The following RBFOX1 variants were observed in gnomAD, a reference collection of about 807,000 sequenced individuals.
The protein encoded by RBFOX1 is RNA binding protein fox-1 homolog 1.
A neutral mutation model predicts 57.7 loss-of-function variants in RBFOX1; 8 were observed. The observed-to-expected ratio is 0.14, with a 90% CI of 0.08 to 0.25. The LOEUF (loss-of-function observed/expected upper bound fraction) is 0.25. RBFOX1 is among the 10% of genes least tolerant of loss of function. RBFOX1 has a pLI of 1.00. For missense variants in RBFOX1, 611 were observed against 548.5 expected (o/e 1.11, Z -1.14); for synonymous variants, 326 against 222.4 (o/e 1.47, Z -4.15).
rs551732978 is a variant in RBFOX1, at chr16:5,963,172, C to T, written c.351+95837C>T. ...GATCTAAGTGCATTTTAGATGCCCA[C>T]ATCCGTCTTTATAGGTTAGGTAATG... On this transcript the variant is annotated intron_variant, in intron 4 of 19. Transcript: ENST00000641259. Among the ~76,000 whole-genome samples, 25 of 152,328 alleles carry T rather than the reference C, an allele frequency of 1.6e-4. No individual in the cohort carries two copies. In the South Asian group the frequency reaches 4.1e-3, roughly 25 times the overall value.
At chr16:6,128,751 A>C (rs959810331) in intron 1 of RBFOX1, among the ~76,000 whole-genome samples, 11 of 152,222 alleles carry the variant, frequency 7.2e-5, no homozygotes, top group African/African-American at 2.7e-4. Context: ...ATCAGAGATC[A>C]GTTGATGCAG....
chr16:7,417,944 C>T (rs572999380), intron 4 of RBFOX1, among the ~76,000 whole-genome samples: 4 of 152,086 alleles, frequency 2.6e-5, no homozygotes, highest in Admixed American at 2.6e-4. Context: ...CCTGTTGGCC[C>T]TAGTATGCAG....
intron 4 of RBFOX1, among the ~76,000 whole-genome samples, chr16:5,899,719 T>C (rs1051995604): frequency 6.6e-6 from 1 of 152,098 alleles, no homozygotes; most frequent in Non-Finnish European, 1.5e-5. Context: ...CATGGAAGAT[T>C]CCAACCCGCC....
At chr16:5,362,660 C>A (rs1192515313) in intron 1 of RBFOX1, among the ~76,000 whole-genome samples, 1 of 152,162 alleles carries the variant, frequency 6.6e-6, no homozygotes, top group Non-Finnish European at 1.5e-5. Context: ...CCGCGCCAGG[C>A]CACATCACTG....
chr16:7,143,999 G>C (rs1314255536), intron 4 of RBFOX1, among the ~76,000 whole-genome samples: 2 of 152,076 alleles, frequency 1.3e-5, no homozygotes, highest in Non-Finnish European at 2.9e-5. Flanking sequence ...GTTGTCTTTG[G>C]AACATTCATA....
intron 3 of RBFOX1, among the ~76,000 whole-genome samples, chr16:5,609,921 TTACCC>T (rs2047715066): frequency 6.6e-6 from 1 of 152,190 alleles, no homozygotes; most frequent in African/African-American, 2.4e-5. Flanking sequence ...ATTTGTACTC[TTACCC>T]TCTTTGAGTT....
chr16:6,609,551 C>G (rs959799537), intron 2 of RBFOX1, among the ~76,000 whole-genome samples: 2 of 151,904 alleles, frequency 1.3e-5, no homozygotes, highest in Admixed American at 6.6e-5. Context: ...ACTACATTGC[C>G]CAGGCTGGTA....
intron 2 of RBFOX1, among the ~76,000 whole-genome samples, chr16:6,333,256 G>T (rs1051016893): frequency 2.6e-5 from 4 of 152,132 alleles, no homozygotes; most frequent in African/African-American, 9.7e-5. Context: ...TGTTGGCCAG[G>T]CTGGTCTTGA....
intron 3 of RBFOX1, among the ~76,000 whole-genome samples, chr16:6,881,760 G>C (rs975448339): frequency 3.3e-5 from 5 of 152,326 alleles, no homozygotes; most frequent in African/African-American, 1.2e-4. Context: ...AGCCAGGCAT[G>C]AGCTTATATA....
intron 3 of RBFOX1, among the ~76,000 whole-genome samples, chr16:5,815,852 C>T (rs1289323267): frequency 1.3e-5 from 2 of 152,116 alleles, no homozygotes; most frequent in Non-Finnish European, 2.9e-5. Flanking sequence ...CTAATGAACT[C>T]AGATGGGGGC....
At chr16:6,668,077 C>A (rs957201675) in intron 3 of RBFOX1, among the ~76,000 whole-genome samples, 6 of 152,090 alleles carry the variant, frequency 3.9e-5, no homozygotes, top group South Asian at 2.1e-4. Context: ...GATACCAAAC[C>A]CTCAATTACC....
chr16:6,796,449 A>G lies in RBFOX1; in HGVS notation c.-16+141799A>G, dbSNP rs1035718844. Among the ~76,000 whole-genome samples the G allele has an allele frequency of 2.6e-5, 4 of 152,026 alleles. No homozygotes were observed. The South Asian group carries it at 8.3e-4, about 32-fold the overall frequency. On this transcript the variant is annotated intron_variant, in intron 3 of 15. Coordinates refer to ENST00000550418, the MANE Select transcript of RBFOX1 (RefSeq NM_018723.4). ...AACAGATAAAGCACCCTAACCCCCCACTGCCAAATCAACACTCTTCCACTA... is the reference window on the plus strand; with the variant it reads ...AACAGATAAAGCACCCTAACCCCCCGCTGCCAAATCAACACTCTTCCACTA...
chr16:5,830,602 T>C (rs1048693794), intron 3 of RBFOX1, among the ~76,000 whole-genome samples: 2 of 152,152 alleles, frequency 1.3e-5, no homozygotes, highest in African/African-American at 4.8e-5. Flanking sequence ...AGATGTGATC[T>C]GGGAGGTGAG....
At chr16:5,260,533 A>G (rs1018963905) in intron 1 of RBFOX1, among the ~76,000 whole-genome samples, 15 of 152,236 alleles carry the variant, frequency 9.9e-5, no homozygotes, top group African/African-American at 3.6e-4. Context: ...TTCTTAGCAA[A>G]AATCAGTTTC....
intron 4 of RBFOX1, among the ~76,000 whole-genome samples, chr16:5,986,559 C>T (rs8052848): frequency 0.09 from 13,738 of 152,256 alleles, 699 homozygotes; most frequent in Middle Eastern, 0.23. Context: ...TGCCTCCTGT[C>T]ACGTGTTACC....
intron 2 of RBFOX1, among the ~76,000 whole-genome samples, chr16:6,592,785 G>A (rs528335990): frequency 2.0e-5 from 3 of 152,286 alleles, no homozygotes; most frequent in South Asian, 2.1e-4. Flanking sequence ...TCTGTTGTAG[G>A]CAAATGTTCC....
intron 9 of RBFOX1, among the ~76,000 whole-genome samples, 182 bp downstream of exon 9, chr16:7,597,613 G>C (rs1295732308): frequency 1.3e-5 from 2 of 152,228 alleles, no homozygotes; most frequent in Non-Finnish European, 2.9e-5. Context: ...AAGGCAAATG[G>C]AGTGTTCAGG....
rs1175520688 is a variant in RBFOX1, at chr16:6,654,617, C to T, written c.-49C>T. ...TCTCTTCTCAGGATATCAAAGCAGA[C>T]TGCAATACCTGCGTGGAAATAGAAG... On this transcript the variant is annotated 5_prime_UTR_variant, in exon 3 of 16. Transcript: ENST00000550418. The T allele has an allele frequency of 4.6e-6, 7 of 1,506,888 alleles. No homozygotes were observed. The African/African-American group carries it at 8.4e-5, about 18-fold the overall frequency. The allele number at this position is 1,506,888 out of a possible 1,614,324, so 93.3% of individuals were successfully genotyped here.
At chr16:7,205,048 C>T (rs1002930366) in intron 4 of RBFOX1, among the ~76,000 whole-genome samples, 1 of 152,230 alleles carries the variant, frequency 6.6e-6, no homozygotes, top group Middle Eastern at 3.4e-3. Context: ...TGATGCCACT[C>T]CTCTATGAGA....
Sources: gnomAD v4.1 joint callset for allele counts (sites outside exome capture counted in the v4.1 genomes callset) on GRCh38, gnomAD v4.1.1 for gene constraint, MANE v1.5 for transcripts, NCBI Gene and HGNC (gene_info 2026-07-23, HGNC 2026-07-21) for gene names.